The following PCDH9 variants were observed in gnomAD, a reference collection of about 807,000 sequenced individuals.
The protein encoded by PCDH9 is protocadherin-9.
Under a neutral mutation model 70.6 loss-of-function variants are expected in PCDH9, and 24 were observed. That is an observed-to-expected ratio of 0.34 (90% CI 0.25 to 0.48). The LOEUF is 0.48. PCDH9 is among the 20% of genes least tolerant of loss of function. The pLI is 0.99. For synonymous variants in PCDH9, 562 were observed against 558.5 expected (o/e 1.01, Z -0.09); for missense variants, 1,281 against 1,503.6 (o/e 0.85, Z 2.45).
At chr13:66,586,212 A>C (rs1487147699) in intron 4 of PCDH9, among the ~76,000 whole-genome samples, 2 of 152,176 alleles carry the variant, frequency 1.3e-5, no homozygotes, top group Non-Finnish European at 2.9e-5. Context: ...GCATAATGAC[A>C]GATTAATGAC....
chr13:66,793,212 A>G (rs1433368203), intron 3 of PCDH9, among the ~76,000 whole-genome samples: 1 of 152,126 alleles, frequency 6.6e-6, no homozygotes, highest in African/African-American at 2.4e-5. Context: ...TCAAATGTCT[A>G]CAACTCACTA....
At chr13:66,759,315 T>C (rs1712417931) in intron 3 of PCDH9, among the ~76,000 whole-genome samples, 1 of 152,104 alleles carries the variant, frequency 6.6e-6, no homozygotes, top group African/African-American at 2.4e-5. Flanking sequence ...TCCAAATCTC[T>C]TTTGGTTGCC....
At chr13:66,938,077 A>G (rs1443571236) in intron 2 of PCDH9, among the ~76,000 whole-genome samples, 2 of 152,168 alleles carry the variant, frequency 1.3e-5, no homozygotes, top group African/African-American at 4.8e-5. Flanking sequence ...TTCATTCCCT[A>G]TGGTTCAGAA....
chr13:66,730,887 G>GTTT (rs1303010293), intron 3 of PCDH9, among the ~76,000 whole-genome samples: 92 of 60,754 alleles, frequency 1.5e-3, no homozygotes, highest in African/African-American at 5.3e-3. Flanking sequence ...TTTTTTTTTT[G>GTTT]TTTGTTTCTT....
chr13:66,642,315 C>T (rs185315555), intron 3 of PCDH9, among the ~76,000 whole-genome samples: 322 of 151,872 alleles, frequency 2.1e-3, no homozygotes, highest in Middle Eastern at 0.02. Context: ...TGTTATAGTC[C>T]AAAAAAGGCC....
intron 3 of PCDH9, among the ~76,000 whole-genome samples, chr13:66,656,961 C>T (rs1481040591): frequency 1.3e-5 from 2 of 152,104 alleles, no homozygotes; most frequent in Non-Finnish European, 2.9e-5. Flanking sequence ...GCAGAAATAG[C>T]TCTTGCAGCA....
At chr13:66,673,184 T>C (rs573284305) in intron 3 of PCDH9, among the ~76,000 whole-genome samples, 1 of 152,134 alleles carries the variant, frequency 6.6e-6, no homozygotes. Context: ...TGGACGGTAA[T>C]TGAATCATGA....
intron 3 of PCDH9, among the ~76,000 whole-genome samples, chr13:66,789,524 G>A: frequency 6.6e-6 from 1 of 151,396 alleles, no homozygotes. Context: ...TTTTTTTCCA[G>A]CTAGGAACAT....
chr13:66,806,929 TTC>T (rs2080419705), intron 3 of PCDH9, among the ~76,000 whole-genome samples: 1 of 152,176 alleles, frequency 6.6e-6, no homozygotes, highest in Non-Finnish European at 1.5e-5. Flanking sequence ...TTGTTTTTAA[TTC>T]TGTCTCTCAT....
intron 3 of PCDH9, among the ~76,000 whole-genome samples, chr13:66,679,827 T>C (rs542325156): frequency 6.6e-6 from 1 of 151,960 alleles, no homozygotes; most frequent in South Asian, 2.1e-4. Flanking sequence ...TTAGTTCACC[T>C]GACTCACCTG....
intron 4 of PCDH9, among the ~76,000 whole-genome samples, chr13:66,520,107 G>GT (rs1397141056): frequency 1.3e-5 from 2 of 152,088 alleles, no homozygotes; most frequent in East Asian, 3.9e-4. Context: ...GTGTGCTGCA[G>GT]GGCTCTCTGT....
intron 3 of PCDH9, among the ~76,000 whole-genome samples, chr13:66,866,721 C>T (rs2081582915): frequency 6.6e-6 from 1 of 152,024 alleles, no homozygotes; most frequent in African/African-American, 2.4e-5. Context: ...CACTTGAACC[C>T]AGGATACGGA....
At chr13:66,396,642 G>A (rs1957106606) in intron 4 of PCDH9, among the ~76,000 whole-genome samples, 1 of 152,186 alleles carries the variant, frequency 6.6e-6, no homozygotes, top group Admixed American at 6.5e-5. Flanking sequence ...CAGCTCTGTT[G>A]CAGTGGGACA....
At chr13:66,975,086 A>C (rs560346505) in intron 2 of PCDH9, among the ~76,000 whole-genome samples, 192 of 152,204 alleles carry the variant, frequency 1.3e-3, no homozygotes, top group Non-Finnish European at 1.6e-3. Flanking sequence ...TCCATTAAAA[A>C]GTCCTTATCT....
intron 2 of PCDH9, among the ~76,000 whole-genome samples, chr13:67,127,508 G>T (rs1236011146): frequency 1.3e-5 from 2 of 152,006 alleles, no homozygotes; most frequent in East Asian, 3.9e-4. Context: ...TGAGCACTCT[G>T]CAGGGTGCTA....
At chr13:67,031,798 CTT>C (rs1010514600) in intron 2 of PCDH9, among the ~76,000 whole-genome samples, 13 of 152,042 alleles carry the variant, frequency 8.6e-5, no homozygotes, top group African/African-American at 2.9e-4. Context: ...TTCTAGCACA[CTT>C]TTATTGGAGC....
At chr13:66,371,107 A>G (rs956265831) in intron 4 of PCDH9, among the ~76,000 whole-genome samples, 10 of 152,150 alleles carry the variant, frequency 6.6e-5, no homozygotes, top group Admixed American at 1.3e-4. Context: ...TAATGATGTA[A>G]GATGCTTTTT....
At position 67,226,321 on chromosome 13, in the gene PCDH9, G is replaced by A. The variant is rs1331233552; in HGVS notation, c.2120C>T (p.Thr707Ile). ...VAEVFAVDVD[T>I]GMNAELKYTI... ...ATACTTTAGTTCAGCGTTCATTCCA[G>A]TGTCAACATCCACTGCAAAAACTTC... The change falls in exon 2 of 5, where the codon ACT becomes ATT. Residue 707 changes from threonine to isoleucine, a missense_variant. Coordinates refer to ENST00000377865, the MANE Select transcript of PCDH9 (RefSeq NM_203487.3). This position sits in a 1 kb window ranked among gnomAD's most constrained non-coding sequence, Gnocchi z 5.0. 2 of 1,613,956 alleles carry A rather than the reference G, an allele frequency of 1.2e-6. No homozygotes were observed. The highest frequency in any genetic ancestry group is 8.5e-7 in the Non-Finnish European group (1 of 1,179,964).
At chr13:66,489,266 C>T (rs950035269) in intron 4 of PCDH9, among the ~76,000 whole-genome samples, 4 of 152,144 alleles carry the variant, frequency 2.6e-5, no homozygotes, top group Non-Finnish European at 5.9e-5. Context: ...GTCTACTCAA[C>T]AAACCAGCAT....
Sources: gnomAD v4.1 joint callset for allele counts (sites outside exome capture counted in the v4.1 genomes callset) on GRCh38, gnomAD v4.1.1 for gene constraint, Gnocchi (gnomAD v3.1) non-coding constraint, MANE v1.5 for transcripts, NCBI Gene and HGNC (gene_info 2026-07-23, HGNC 2026-07-21) for gene names.